The following VSNL1 variants were observed in gnomAD, a reference collection of about 807,000 sequenced individuals.
The protein encoded by VSNL1 is visinin-like protein 1.
VSNL1 carries 6 observed loss-of-function variants against 20.4 expected under a neutral mutation model. The ratio of observed to expected loss-of-function variants is 0.29; its 90% CI spans 0.16 to 0.58. The LOEUF (loss-of-function observed/expected upper bound fraction) is 0.58, where lower values mean the gene tolerates loss of function less well. Among genes scored for constraint, VSNL1 ranks in the 20% least tolerant of loss-of-function variants. The pLI, the probability that VSNL1 is intolerant of heterozygous loss-of-function variation, is 0.90. For synonymous variants in VSNL1, 93 were observed against 86.4 expected (o/e 1.08, Z -0.42); for missense variants, 100 against 234.5 (o/e 0.43, Z 3.75).
In VSNL1 at chr2:17,634,960, G is replaced by A. The variant is rs778479931; in HGVS notation, c.163-14450G>A. On this transcript the variant is annotated intron_variant, in intron 2 of 3. Coordinates refer to ENST00000295156, the MANE Select transcript of VSNL1 (RefSeq NM_003385.5). The surrounding 1 kb of genome is among the most constrained non-coding windows in gnomAD (Gnocchi z 4.3). ...AGCTCGTTTGAACACACATACACAC[G>A]TACACACACATACATGTGCACATAC... Among the ~76,000 whole-genome samples, 2 of 152,032 alleles carry A rather than the reference G, an allele frequency of 1.3e-5. No individual in the cohort carries two copies. Among genetic ancestry groups the A allele is most frequent in the Non-Finnish European group, 1.5e-5 (1 of 68,010 alleles).
At chr2:17,544,657 A>G (rs1663368198) in intron 1 of VSNL1, among the ~76,000 whole-genome samples, 2 of 152,324 alleles carry the variant, frequency 1.3e-5, no homozygotes, top group South Asian at 2.1e-4. Context: ...TTCCTAATTG[A>G]TAACAGCAAT....
At chr2:17,543,892 C>G (rs1663351237) in intron 1 of VSNL1, among the ~76,000 whole-genome samples, 1 of 152,050 alleles carries the variant, frequency 6.6e-6, no homozygotes, top group Admixed American at 6.6e-5. Flanking sequence ...CCCTTTCTTC[C>G]ATAAAAATTC....
At chr2:17,644,020 G>T (rs903668553) in intron 2 of VSNL1, among the ~76,000 whole-genome samples, 13 of 152,162 alleles carry the variant, frequency 8.5e-5, no homozygotes, top group African/African-American at 2.9e-4. Flanking sequence ...TGCTATTGTC[G>T]GGTGTGGGAA....
chr2:17,652,714 A>G (rs1315562714), intron 3 of VSNL1, among the ~76,000 whole-genome samples: 4 of 152,216 alleles, frequency 2.6e-5, no homozygotes, highest in Non-Finnish European at 5.9e-5. Context: ...TTGTTCAGAA[A>G]CTTCTTTGTG....
intron 1 of VSNL1, chr2:17,541,680 G>T (rs1480555577): frequency 6.6e-6 from 1 of 152,188 alleles, no homozygotes; most frequent in Non-Finnish European, 1.5e-5. Context: ...GTAAATCAAG[G>T]TGTGTTACAT....
At position 17,649,619 on chromosome 2, in the gene VSNL1, C is replaced by A. The variant is rs1558312433; in HGVS notation, c.372C>A (p.Ile124=). 2 of 1,614,016 alleles carry A rather than the reference C, an allele frequency of 1.2e-6. No individual in the cohort carries two copies. The highest frequency in any genetic ancestry group is 1.1e-5 in the South Asian group (1 of 91,054). ...GKITRVEMLE[I]IEAIYKMVGT... ...TCACCCGAGTGGAGATGCTGGAGAT[C>A]ATCGAGGTGAGGCCCGGGGTGTGGT... Residue 124 remains isoleucine, a synonymous_variant, in exon 3 of 4, where the codon ATC becomes ATA. Transcript: ENST00000295156. The surrounding 1 kb of genome is among the most constrained non-coding windows in gnomAD (Gnocchi z 6.4).
At chr2:17,643,162 C>T (rs938265296) in intron 2 of VSNL1, among the ~76,000 whole-genome samples, 6 of 152,228 alleles carry the variant, frequency 3.9e-5, no homozygotes, top group African/African-American at 1.4e-4. Flanking sequence ...CCTCTCCTCA[C>T]TCTCCCTCCT....
chr2:17,601,289 A>T (rs1426510), intron 2 of VSNL1, among the ~76,000 whole-genome samples: 107,750 of 152,162 alleles, frequency 0.71, 39,776 homozygotes, highest in Middle Eastern at 0.89. Context: ...TCCCGTTAGT[A>T]ATTCTCTGCA....
At chr2:17,603,060 A>G (rs1173979414) in intron 2 of VSNL1, among the ~76,000 whole-genome samples, 1 of 152,220 alleles carries the variant, frequency 6.6e-6, no homozygotes, top group Non-Finnish European at 1.5e-5. Context: ...AAGTTTCTGT[A>G]TAAATAACTT....
chr2:17,583,331 C>T (rs1349963513), intron 1 of VSNL1, among the ~76,000 whole-genome samples: 6 of 152,370 alleles, frequency 3.9e-5, no homozygotes, highest in African/African-American at 1.4e-4. Flanking sequence ...CCCTGCTGTT[C>T]TCAGATAAGG....
chr2:17,624,501 T>C lies in VSNL1; in HGVS notation c.163-24909T>C, dbSNP rs539103985. 6.6e-5 allele frequency among the ~76,000 whole-genome samples: 10 copies of C among 152,300 alleles called. No individual in the cohort carries two copies. In the South Asian group the frequency reaches 2.1e-3, roughly 32 times the overall value. ...GGTTACTAATCAGCTAACCTGAATA[T>C]AGGGAGAGCATTCTGTATTATCCAG... On this transcript the variant is annotated intron_variant, in intron 2 of 3. Transcript: ENST00000295156.
At chr2:17,582,836 C>T (rs1664381873) in intron 1 of VSNL1, among the ~76,000 whole-genome samples, 1 of 151,460 alleles carries the variant, frequency 6.6e-6, no homozygotes, top group African/African-American at 2.4e-5. Context: ...AGGACCTCCC[C>T]TAAAGACCTG....
intron 1 of VSNL1, among the ~76,000 whole-genome samples, chr2:17,587,909 T>A (rs1031910120): frequency 5.3e-5 from 8 of 152,194 alleles, no homozygotes; most frequent in African/African-American, 1.9e-4. Flanking sequence ...AAAAGCCTTT[T>A]GTAAATTAGT....
chr2:17,573,103 T>G (rs762506649), intron 1 of VSNL1, among the ~76,000 whole-genome samples: 62 of 152,232 alleles, frequency 4.1e-4, no homozygotes, highest in Non-Finnish European at 4.9e-4. Context: ...TTATTAAATC[T>G]CTTTTGACTC....
At chr2:17,592,640 C>CTTTTTTTTTTTTTTTTTTTTTTTT (rs55756596) in intron 2 of VSNL1, among the ~76,000 whole-genome samples, 2 of 70,858 alleles carry the variant, frequency 2.8e-5, no homozygotes, top group African/African-American at 9.8e-5. Flanking sequence ...CTCTCTCTCT[C>CTTTTTTTTTTTTTTTTTTTTTTTT]TTTTTTTTTT....
In VSNL1 at chr2:17,601,948, G is replaced by GA. The variant is rs938598247; in HGVS notation, c.162+9720dup. On this transcript the variant is annotated intron_variant, in intron 2 of 3. Transcript: ENST00000295156. Reference sequence around the variant, plus strand: ...GAGACTCCACCTAAAAAAAGTAAAAGAAAAAAAAGAGGAAGAATTAGCACA... The same window carrying GA: ...GAGACTCCACCTAAAAAAAGTAAAAGAAAAAAAAAGAGGAAGAATTAGCACA... 1.4e-4 allele frequency among the ~76,000 whole-genome samples: 21 copies of GA among 151,702 alleles called. 1 individual carries two copies. The highest frequency in any genetic ancestry group is 2.8e-4 in the Non-Finnish European group (19 of 67,834).
chr2:17,648,283 G>A (rs928414206), intron 2 of VSNL1, among the ~76,000 whole-genome samples: 6 of 152,198 alleles, frequency 3.9e-5, no homozygotes, highest in Admixed American at 3.9e-4. Flanking sequence ...CTAGGTGCAG[G>A]AGGAGTGGGC....
intron 2 of VSNL1, among the ~76,000 whole-genome samples, chr2:17,601,308 C>T (rs1249461464): frequency 1.3e-5 from 2 of 152,174 alleles, no homozygotes; most frequent in African/African-American, 4.8e-5. Flanking sequence ...CAGCAGATTG[C>T]TCAAGGACAC....
chr2:17,559,683 C>T (rs72785718), intron 1 of VSNL1, among the ~76,000 whole-genome samples: 1,672 of 152,158 alleles, frequency 0.011, 18 homozygotes, highest in Non-Finnish European at 0.017. Context: ...CATTTACTTA[C>T]AAGAATTTTA....
Sources: allele counts gnomAD v4.1 joint callset (sites outside exome capture counted in the v4.1 genomes callset), GRCh38; gene constraint gnomAD v4.1.1; non-coding constraint Gnocchi (gnomAD v3.1); transcripts MANE v1.5; gene names NCBI Gene and HGNC (gene_info 2026-07-23, HGNC 2026-07-21).